The following SOX13 variants were observed in gnomAD, a reference collection of about 807,000 sequenced individuals.
SOX13 encodes the protein SRY-box transcription factor 13, also known as transcription factor SOX-13.
A neutral mutation model predicts 71.8 loss-of-function variants in SOX13; 28 were observed. The ratio of observed to expected loss-of-function variants is 0.39; its 90% confidence interval spans 0.29 to 0.53. SOX13 has a LOEUF of 0.53. Ranked by LOEUF, SOX13 falls within the 20% of genes least tolerant of loss-of-function variation. The probability of loss-of-function intolerance (pLI) is 0.70; values close to 1 mark genes in which losing one functional copy is unlikely to be tolerated. For synonymous variants in SOX13, 309 were observed against 317.8 expected (o/e 0.97, Z 0.29); for missense variants, 627 against 810.3 (o/e 0.77, Z 2.75).
chr1:204,124,554 G>A, intron 12 of SOX13, 87 bp from the exon 13 acceptor site: 1 of 1,125,290 alleles, frequency 8.9e-7, no homozygotes, highest in Non-Finnish European at 1.3e-6. Context: ...CCCACCTGGG[G>A]ATCAAGGTCT....
At chr1:204,096,239 GTT>G (rs59094119) in intron 1 of SOX13, among the ~76,000 whole-genome samples, 9 of 85,344 alleles carry the variant, frequency 1.1e-4, no homozygotes, top group Admixed American at 1.8e-4. Flanking sequence ...TCTTTCTTTC[GTT>G]TTTTTTTTTT....
At chr1:204,086,540 A>G (rs1448825318) in intron 1 of SOX13, among the ~76,000 whole-genome samples, 1 of 152,030 alleles carries the variant, frequency 6.6e-6, no homozygotes, top group Non-Finnish European at 1.5e-5. Context: ...TGACTTCGTG[A>G]TCTGCCCGCC....
chr1:204,124,744 C>G lies in SOX13; in HGVS notation c.1479C>G (p.Tyr493Ter). Residue 493 changes from tyrosine (Y) to a stop codon, truncating the protein, a stop_gained, in exon 13 of 14, where the codon TAC (tyrosine) becomes TAG (stop). Transcript: ENST00000367204. LOFTEE classifies it high-confidence loss of function. ...QHLEKYPDYK[Y>*]KPRPKRTCIV... ...TGGAGAAGTATCCTGACTACAAGTACAAGCCGCGGCCCAAGCGCACCTGCA... is the reference window on the plus strand; with the variant it reads ...TGGAGAAGTATCCTGACTACAAGTAGAAGCCGCGGCCCAAGCGCACCTGCA... The G allele has an allele frequency of 1.2e-6, 2 of 1,610,886 alleles. No individual in the cohort carries two copies. Among genetic ancestry groups the G allele is most frequent in the Non-Finnish European group, 1.7e-6 (2 of 1,178,738 alleles).
intron 1 of SOX13, among the ~76,000 whole-genome samples, chr1:204,108,626 A>G (rs1461565003): frequency 6.6e-6 from 1 of 152,206 alleles, no homozygotes; most frequent in Non-Finnish European, 1.5e-5. Context: ...AATGAAGGAG[A>G]GACCCTTAGG....
In SOX13 at chr1:204,126,253, G is replaced by A; in HGVS notation, c.*119G>A. The A allele has an allele frequency of 1.8e-6, 2 of 1,093,852 alleles. No homozygotes were observed. Among genetic ancestry groups the A allele is most frequent in the East Asian group, 2.6e-5 (1 of 38,878 alleles). 67.8% of individuals were successfully genotyped at this position (1,093,852 alleles called of 1,614,324 possible). A position where few individuals can be genotyped will look rare whatever the true frequency, so the allele number is the denominator to read the frequency against. Reference sequence around the variant, plus strand: ...TTGGACTTGTTCGTGCCCCAGAGATGGGCAAAGCTGTGCACTTGCAGATAC... The same window carrying A: ...TTGGACTTGTTCGTGCCCCAGAGATAGGCAAAGCTGTGCACTTGCAGATAC... On this transcript the variant is annotated 3_prime_UTR_variant, in exon 14 of 14. Transcript: ENST00000367204.
At chr1:204,090,475 C>T (rs1372916604) in intron 1 of SOX13, among the ~76,000 whole-genome samples, 1 of 144,800 alleles carries the variant, frequency 6.9e-6, no homozygotes, top group Non-Finnish European at 1.5e-5. Context: ...GTGGCATGAT[C>T]TTGGCTCACT....
chr1:204,075,491 C>A (rs1052023974), intron 1 of SOX13, among the ~76,000 whole-genome samples: 1 of 152,222 alleles, frequency 6.6e-6, no homozygotes, highest in Non-Finnish European at 1.5e-5. Flanking sequence ...CGATGAGCAG[C>A]GTGGGTTTGG....
intron 6 of SOX13, 58 bp from the exon 7 acceptor site, chr1:204,117,535 C>A: frequency 1.8e-6 from 2 of 1,109,092 alleles, no homozygotes; most frequent in Admixed American, 2.0e-5. Flanking sequence ...ATGGGCTGAC[C>A]ATAGCTGGGT....
intron 1 of SOX13, among the ~76,000 whole-genome samples, chr1:204,092,493 T>TG (rs1656167044): frequency 6.6e-6 from 1 of 152,190 alleles, no homozygotes; most frequent in African/African-American, 2.4e-5. Context: ...CAGAACTTTC[T>TG]TAAACCCTAG....
In SOX13 at chr1:204,073,934, G is replaced by A. The variant is rs960684757; in HGVS notation, c.-2+223G>A. The A allele has an allele frequency of 6.6e-6, 1 of 152,344 alleles. No homozygotes were observed. The highest frequency in any genetic ancestry group is 2.0e-4 in the East Asian group (1 of 5,098). 9.4% of individuals were successfully genotyped at this position (152,344 alleles called of 1,614,324 possible). A position where few individuals can be genotyped will look rare whatever the true frequency, so the allele number is the denominator to read the frequency against. On this transcript the variant is annotated intron_variant, in intron 1 of 13. Transcript: ENST00000367204. The surrounding 1 kb of genome is among the most constrained non-coding windows in gnomAD (Gnocchi z 6.8). ...TGGCCGACTTGGGTCCTTGTGGAGA[G>A]GGATGGCAGCCTCTAAGGCAGTGCG...
chr1:204,096,566 G>A (rs543477692), intron 1 of SOX13, among the ~76,000 whole-genome samples: 5 of 151,894 alleles, frequency 3.3e-5, no homozygotes, highest in East Asian at 1.9e-4. Flanking sequence ...ACAGGCACCC[G>A]CCACCACACC....
At chr1:204,085,986 A>G (rs1365465929) in intron 1 of SOX13, among the ~76,000 whole-genome samples, 1 of 152,018 alleles carries the variant, frequency 6.6e-6, no homozygotes, top group African/African-American at 2.4e-5. Flanking sequence ...AAAAAAAAGA[A>G]AAGAAAGAAT....
intron 5 of SOX13, 91 bp from the exon 6 acceptor site, chr1:204,117,031 C>T: frequency 1.5e-6 from 2 of 1,298,550 alleles, no homozygotes; most frequent in South Asian, 2.5e-5. Flanking sequence ...GCTTGCCCCA[C>T]TGTAGAAAGC....
chr1:204,110,785 C>G (rs114606727), intron 1 of SOX13, among the ~76,000 whole-genome samples: 1 of 151,858 alleles, frequency 6.6e-6, no homozygotes, highest in African/African-American at 2.4e-5. Flanking sequence ...AGAGCTGATG[C>G]AGTATTTAAA....
chr1:204,078,706 T>A (rs1442452192), intron 1 of SOX13, among the ~76,000 whole-genome samples: 13 of 152,142 alleles, frequency 8.5e-5, no homozygotes, highest in Admixed American at 8.5e-4. Context: ...GTCAGCTCCC[T>A]GCCCCGAAGC....
Position 204,114,664 on chromosome 1 carries a change from G to T in SOX13, c.418+59G>T, listed in dbSNP as rs1656653025. The stretch of plus-strand genomic sequence containing the variant: ...AACCCCATCTCTCTTCTCCTGGTCT[G>T]GCCACGCAGCCTGGCTCTGTAGGGC... On this transcript the variant is annotated intron_variant, in intron 4 of 13. Coordinates refer to ENST00000367204, the MANE Select transcript of SOX13 (RefSeq NM_005686.3). 5 of 1,330,252 alleles carry T rather than the reference G, an allele frequency of 3.8e-6. No homozygotes were observed. The Admixed American group carries it at 8.4e-5, about 22-fold the overall frequency. The allele number at this position is 1,330,252 out of a possible 1,614,324, so 82.4% of individuals were successfully genotyped here. A position where few individuals can be genotyped will look rare whatever the true frequency, so the allele number is the denominator to read the frequency against.
chr1:204,121,732 G>A, intron 7 of SOX13, 168 bp from the exon 8 acceptor site: 1 of 685,880 alleles, frequency 1.5e-6, no homozygotes, highest in South Asian at 1.6e-5. Flanking sequence ...TGGAGTGAGG[G>A]GATAGGAGCC....
At chr1:204,122,741 C>G (rs755647631) in intron 9 of SOX13, 113 bp from the exon 10 acceptor site, 19 of 670,592 alleles carry the variant, frequency 2.8e-5, no homozygotes, top group Non-Finnish European at 4.7e-5. Flanking sequence ...AACACTAACT[C>G]AGGTGCCTCA....
intron 1 of SOX13, among the ~76,000 whole-genome samples, chr1:204,082,904 G>A (rs1161042319): frequency 1.3e-5 from 2 of 152,212 alleles, no homozygotes; most frequent in Non-Finnish European, 1.5e-5. Flanking sequence ...AGGTGAATGG[G>A]CCTTTCTTAG....
Sources: gnomAD v4.1 joint callset for allele counts (sites outside exome capture counted in the v4.1 genomes callset) on GRCh38, gnomAD v4.1.1 for gene constraint, Gnocchi (gnomAD v3.1) non-coding constraint, MANE v1.5 for transcripts, NCBI Gene and HGNC (gene_info 2026-07-23, HGNC 2026-07-21) for gene names.